Variants in PLPPR1 observed in about 807,000 individuals in gnomAD.
The protein encoded by PLPPR1 is phospholipid phosphatase-related protein type 1.
PLPPR1 carries 10 observed loss-of-function variants against 33.1 expected under a neutral mutation model. The ratio of observed to expected loss-of-function variants is 0.30; its 90% CI spans 0.19 to 0.51. The LOEUF is 0.51. PLPPR1 is among the 20% of genes least tolerant of loss of function. The pLI is 0.97. For synonymous variants in PLPPR1, 151 were observed against 151.0 expected, an observed-to-expected ratio of 1.00 and a Z score of 0.00; for missense variants, 304 against 408.1, an observed-to-expected ratio of 0.74 and a Z score of 2.20.
At chr9:101,133,086 A>G (rs981999084) in intron 1 of PLPPR1, among the ~76,000 whole-genome samples, 2 of 152,222 alleles carry the variant, frequency 1.3e-5, no homozygotes, top group African/African-American at 2.4e-5. Context: ...GATAAGCTTG[A>G]GTAACAGTCT....
At chr9:101,246,358 C>T (rs1254434889) in intron 2 of PLPPR1, among the ~76,000 whole-genome samples, 1 of 151,936 alleles carries the variant, frequency 6.6e-6, no homozygotes, top group Non-Finnish European at 1.5e-5. Context: ...CTGTGGGACA[C>T]ACAGGCTTAA....
At chr9:101,076,055 G>T (rs1286779176) in intron 1 of PLPPR1, among the ~76,000 whole-genome samples, 4 of 152,090 alleles carry the variant, frequency 2.6e-5, no homozygotes, top group Admixed American at 2.0e-4. Flanking sequence ...GACTTGAGCA[G>T]GTACAGCAGT....
intron 1 of PLPPR1, among the ~76,000 whole-genome samples, chr9:101,040,810 T>C (rs1204247253): frequency 6.6e-6 from 1 of 152,162 alleles, no homozygotes; most frequent in African/African-American, 2.4e-5. Flanking sequence ...GTAAGCATCA[T>C]AAGATGAGGG....
chr9:101,154,138 T>G (rs1831640660), intron 1 of PLPPR1, among the ~76,000 whole-genome samples: 1 of 152,194 alleles, frequency 6.6e-6, no homozygotes, highest in Non-Finnish European at 1.5e-5. Context: ...ATTTTTGCAT[T>G]GATGTTCATC....
chr9:101,051,843 C>T (rs560355059), intron 1 of PLPPR1, among the ~76,000 whole-genome samples: 22 of 152,240 alleles, frequency 1.4e-4, no homozygotes, highest in Admixed American at 1.2e-3. Context: ...TACATTTTAA[C>T]GTGTATCCTT....
chr9:101,180,094 T>TTATTTA (rs1826076319), intron 1 of PLPPR1, among the ~76,000 whole-genome samples: 1 of 62,020 alleles, frequency 1.6e-5, no homozygotes, highest in Non-Finnish European at 3.1e-5. Context: ...AAACTCTCCT[T>TTATTTA]TATATATATA....
At chr9:101,143,988 T>C (rs558889584) in intron 1 of PLPPR1, among the ~76,000 whole-genome samples, 1 of 152,234 alleles carries the variant, frequency 6.6e-6, no homozygotes, top group Non-Finnish European at 1.5e-5. Context: ...CACGTATGTT[T>C]ATTGTGGCAC....
intron 4 of PLPPR1, among the ~76,000 whole-genome samples, chr9:101,299,528 A>G (rs1446306694): frequency 1.3e-5 from 2 of 152,148 alleles, no homozygotes; most frequent in African/African-American, 2.4e-5. Flanking sequence ...GAGCCAGAAT[A>G]TTACAGATCT....
chr9:101,202,560 C>G (rs1306518168), intron 2 of PLPPR1, among the ~76,000 whole-genome samples: 1 of 152,122 alleles, frequency 6.6e-6, no homozygotes, highest in Non-Finnish European at 1.5e-5. Context: ...CAGAAGCCAA[C>G]CGTAAAATGA....
chr9:101,154,538 G>A (rs1158133294), intron 1 of PLPPR1, among the ~76,000 whole-genome samples: 2 of 152,254 alleles, frequency 1.3e-5, no homozygotes, highest in East Asian at 3.9e-4. Context: ...CTGTATTTCT[G>A]TGGGATCAGT....
chr9:101,240,872 C>A (rs1022902932), intron 2 of PLPPR1, among the ~76,000 whole-genome samples: 1 of 152,058 alleles, frequency 6.6e-6, no homozygotes, highest in African/African-American at 2.4e-5. Flanking sequence ...CTGGTGCTTT[C>A]TGTGTAAGTC....
intron 2 of PLPPR1, among the ~76,000 whole-genome samples, chr9:101,196,590 G>A (rs745982439): frequency 1.3e-4 from 20 of 152,184 alleles, no homozygotes; most frequent in East Asian, 3.9e-4. Context: ...GGCCGGACGC[G>A]GCGGCTCACG....
At chr9:101,297,782 A>T (rs1045268855) in intron 4 of PLPPR1, among the ~76,000 whole-genome samples, 19 of 152,078 alleles carry the variant, frequency 1.2e-4, no homozygotes, top group Non-Finnish European at 1.2e-4. Context: ...CCTCTCTCTC[A>T]TTTTTTCCCT....
chr9:101,144,790 T>C (rs1472950594), intron 1 of PLPPR1, among the ~76,000 whole-genome samples: 1 of 152,220 alleles, frequency 6.6e-6, no homozygotes, highest in East Asian at 1.9e-4. Flanking sequence ...ACTACTGGTC[T>C]GAAGAACATT....
At chr9:101,078,102 G>GAGAAGGAGAAGGAGA (rs1564138111) in intron 1 of PLPPR1, among the ~76,000 whole-genome samples, 1 of 24,874 alleles carries the variant, frequency 4.0e-5, no homozygotes, top group African/African-American at 1.8e-4. Flanking sequence ...GAAGGAGAAG[G>GAGAAGGAGAAGGAGA]AGAAGAAGAA....
chr9:101,232,401 C>T (rs1178589479), intron 2 of PLPPR1, among the ~76,000 whole-genome samples: 1 of 151,612 alleles, frequency 6.6e-6, no homozygotes, highest in East Asian at 1.9e-4. Context: ...AAAAAGGCTA[C>T]ATGTTATTGC....
chr9:101,086,129 G>T (rs1431695849), intron 1 of PLPPR1, among the ~76,000 whole-genome samples: 1 of 152,112 alleles, frequency 6.6e-6, no homozygotes, highest in African/African-American at 2.4e-5. Context: ...TGATGACTAT[G>T]TTCATTTGTC....
At chr9:101,124,955 C>T (rs1192152302) in intron 1 of PLPPR1, among the ~76,000 whole-genome samples, 1 of 152,232 alleles carries the variant, frequency 6.6e-6, no homozygotes, top group African/African-American at 2.4e-5. Context: ...ACCAAAAGGT[C>T]CTGGAGAGAA....
At chr9:101,132,256 A>G (rs1469301245) in intron 1 of PLPPR1, among the ~76,000 whole-genome samples, 6 of 152,172 alleles carry the variant, frequency 3.9e-5, no homozygotes, top group African/African-American at 1.4e-4. Context: ...GAGGATGACT[A>G]TTGTATGCCT....
Sources: allele counts gnomAD v4.1 joint callset (sites outside exome capture counted in the v4.1 genomes callset), GRCh38; gene constraint gnomAD v4.1.1; transcripts MANE v1.5; gene names NCBI Gene and HGNC (gene_info 2026-07-23, HGNC 2026-07-21).